EFHC2: variants seen among roughly 807,000 people sequenced by gnomAD.
The protein encoded by EFHC2 is EF-hand domain containing 2, also known as EF-hand domain-containing family member C2.
Under a neutral mutation model 52.7 loss-of-function variants are expected in EFHC2, and 18 were observed. The ratio of observed to expected loss-of-function variants is 0.34; its 90% CI spans 0.24 to 0.51. The LOEUF (loss-of-function observed/expected upper bound fraction) is 0.51, where lower values mean the gene tolerates loss of function less well. Among genes scored for constraint, EFHC2 ranks in the 20% least tolerant of loss-of-function variants. EFHC2 has a pLI of 0.97. For missense variants in EFHC2, 513 were observed against 562.5 expected (o/e 0.91, Z 0.89); for synonymous variants, 203 against 204.1 (o/e 0.99, Z 0.04).
rs760416661 is a variant in EFHC2 at position 44,211,654 on chromosome X, G to A, written c.1751+17995C>T. On this transcript the variant is annotated intron_variant, in intron 11 of 14. Coordinates refer to ENST00000420999, the MANE Select transcript of EFHC2 (RefSeq NM_025184.4). ...AGGCGGGCAGATCATGAGATCAGGAGATCGAGACCATCCTGGCTAACATGG... is the reference window on the plus strand; with the variant it reads ...AGGCGGGCAGATCATGAGATCAGGAAATCGAGACCATCCTGGCTAACATGG... Among the ~76,000 whole-genome samples, 9 of 110,538 alleles carry A rather than the reference G, an allele frequency of 8.1e-5. No individual in the cohort carries two copies. In the East Asian group the frequency reaches 2.0e-3, roughly 25 times the overall value.
chrX:44,200,575 G>A (rs1403890033), intron 11 of EFHC2, among the ~76,000 whole-genome samples: 3 of 111,311 alleles, frequency 2.7e-5, no homozygotes, highest in Non-Finnish European at 5.7e-5. Context: ...TTCCAGAAAT[G>A]TAGCAGCACA....
At chrX:44,300,030 G>A (rs1311946831) in intron 2 of EFHC2, among the ~76,000 whole-genome samples, 3 of 111,513 alleles carry the variant, frequency 2.7e-5, no homozygotes, top group Non-Finnish European at 5.6e-5. Context: ...TACAAAAAGT[G>A]AGTTTACCAT....
At chrX:44,229,037 C>T (rs1007141695) in intron 11 of EFHC2, among the ~76,000 whole-genome samples, 1 of 112,033 alleles carries the variant, frequency 8.9e-6, no homozygotes, top group Admixed American at 9.5e-5. Flanking sequence ...AAATTTGCCT[C>T]GGTCAGCCAC....
chrX:44,326,771 C>A (rs1981621110), intron 1 of EFHC2, among the ~76,000 whole-genome samples: 1 of 95,240 alleles, frequency 1.0e-5, no homozygotes, highest in Non-Finnish European at 2.1e-5. Context: ...CTCTGTAGCC[C>A]AGGCTGGAGT....
At chrX:44,205,652 A>G (rs2037043418) in intron 11 of EFHC2, among the ~76,000 whole-genome samples, 1 of 111,726 alleles carries the variant, frequency 9.0e-6, no homozygotes, top group Non-Finnish European at 1.9e-5. Flanking sequence ...TATAATGATG[A>G]GGCGTTCAAT....
chrX:44,215,209 A>G (rs1446146773), intron 11 of EFHC2, among the ~76,000 whole-genome samples: 1 of 111,261 alleles, frequency 9.0e-6, no homozygotes, highest in Non-Finnish European at 1.9e-5. Context: ...ATAGCCTGCA[A>G]AACTGTAAGT....
At position 44,235,552 on chromosome X, in the gene EFHC2, C is replaced by T. The variant is rs1602168288; in HGVS notation, c.1281-105G>A. Reference sequence around the variant, plus strand: ...TATAATATGGCTTTAATATAGTAGGCATAAACTGTCCAAAGTGAAAGAGTT... The same window carrying T: ...TATAATATGGCTTTAATATAGTAGGTATAAACTGTCCAAAGTGAAAGAGTT... On this transcript the variant is annotated intron_variant, in intron 8 of 14. Transcript: ENST00000420999. 47 of 764,588 alleles carry T rather than the reference C, an allele frequency of 6.1e-5. No homozygotes were observed. The East Asian group carries it at 1.7e-3, about 28-fold the overall frequency. 63.0% of individuals were successfully genotyped at this position (764,588 alleles called of 1,213,427 possible).
At chrX:44,230,210 C>T (rs185298099) in intron 10 of EFHC2, among the ~76,000 whole-genome samples, 3 of 111,506 alleles carry the variant, frequency 2.7e-5, no homozygotes, top group African/African-American at 6.5e-5. Flanking sequence ...CATTAGGCAA[C>T]GCACTGATGA....
intron 4 of EFHC2, among the ~76,000 whole-genome samples, chrX:44,256,849 A>G (rs1232695561): frequency 1.8e-5 from 2 of 111,556 alleles, no homozygotes; most frequent in African/African-American, 6.5e-5. Context: ...CAACACAAAA[A>G]GGAAATTTCA....
At chrX:44,212,288 G>A (rs1038177321) in intron 11 of EFHC2, among the ~76,000 whole-genome samples, 2 of 111,713 alleles carry the variant, frequency 1.8e-5, no homozygotes, top group South Asian at 7.6e-4. Flanking sequence ...GATGAGGGGG[G>A]TTGGGCGGCG....
intron 11 of EFHC2, among the ~76,000 whole-genome samples, chrX:44,208,470 G>C (rs2037065965): frequency 9.0e-6 from 1 of 111,401 alleles, no homozygotes; most frequent in Admixed American, 9.5e-5. Flanking sequence ...GGAAATTATA[G>C]ACACTGAGGA....
At chrX:44,205,285 A>G (rs2037039740) in intron 11 of EFHC2, among the ~76,000 whole-genome samples, 1 of 111,540 alleles carries the variant, frequency 9.0e-6, no homozygotes, top group Non-Finnish European at 1.9e-5. Context: ...TGAAGCAACT[A>G]CACAATTGAT....
intron 1 of EFHC2, among the ~76,000 whole-genome samples, chrX:44,340,317 AT>A (rs1256802093): frequency 1.8e-5 from 2 of 111,673 alleles, no homozygotes; most frequent in Non-Finnish European, 3.8e-5. Context: ...TAGACAAGAG[AT>A]AAGTAAGTAC....
Position 44,148,704 on chromosome X carries a change from C to G in EFHC2, c.*91G>C, listed in dbSNP as rs1217329603. On this transcript the variant is annotated 3_prime_UTR_variant, in exon 15 of 15. Coordinates refer to ENST00000420999, the MANE Select transcript of EFHC2 (RefSeq NM_025184.4). ...TTTCCATTTAATATAAACCTTGTTT[C>G]TTTTTTGTTTTTAATGAAATTATAT... 3.5e-5 allele frequency: 27 copies of G among 765,656 alleles called. No individual in the cohort carries two copies. Among genetic ancestry groups the G allele is most frequent in the Non-Finnish European group, 4.9e-5 (26 of 535,965 alleles). 63.1% of individuals were successfully genotyped at this position (765,656 alleles called of 1,213,427 possible).
chrX:44,292,822 C>T (rs141375658), intron 2 of EFHC2, among the ~76,000 whole-genome samples: 7,423 of 109,575 alleles, frequency 0.068, 264 homozygotes, highest in Non-Finnish European at 0.11. Context: ...TGTGAAGTGC[C>T]TCACTCCCCC....
intron 1 of EFHC2, among the ~76,000 whole-genome samples, chrX:44,319,310 CTT>C (rs1244995901): frequency 3.6e-5 from 4 of 111,232 alleles, no homozygotes; most frequent in Non-Finnish European, 7.5e-5. Context: ...GCACAAAAGA[CTT>C]TTAAAGAGGC....
intron 12 of EFHC2, among the ~76,000 whole-genome samples, chrX:44,177,540 G>A (rs1161537510): frequency 9.3e-6 from 1 of 107,501 alleles, no homozygotes; most frequent in Non-Finnish European, 2.0e-5. Context: ...TATAAGGTCT[G>A]TAAGATGAAT....
chrX:44,163,907 A>G lies in EFHC2; in HGVS notation c.2148+15T>C, dbSNP rs374228583. ...AGTAACCATAGATGGTTTTTAAAATAGGTATTCATTTTACCTCTTTAAGGT... is the reference window on the plus strand; with the variant it reads ...AGTAACCATAGATGGTTTTTAAAATGGGTATTCATTTTACCTCTTTAAGGT... On this transcript the variant is annotated intron_variant, in intron 14 of 14. Coordinates refer to ENST00000420999, the MANE Select transcript of EFHC2 (RefSeq NM_025184.4). 1,853 of 1,076,403 alleles carry G rather than the reference A, an allele frequency of 1.7e-3. 4 individuals carry two copies. Among genetic ancestry groups the G allele is most frequent in the Non-Finnish European group, 2.2e-3 (1,741 of 791,962 alleles). The allele number at this position is 1,076,403 out of a possible 1,213,427, so 88.7% of individuals were successfully genotyped here. A position where few individuals can be genotyped will look rare whatever the true frequency, so the allele number is the denominator to read the frequency against.
intron 3 of EFHC2, among the ~76,000 whole-genome samples, chrX:44,269,673 G>C (rs2037603338): frequency 9.0e-6 from 1 of 111,201 alleles, no homozygotes; most frequent in African/African-American, 3.3e-5. Context: ...GGCCTCACCA[G>C]ATGCAGAAGC....
Sources: allele counts gnomAD v4.1 joint callset (sites outside exome capture counted in the v4.1 genomes callset), GRCh38; gene constraint gnomAD v4.1.1; transcripts MANE v1.5; gene names NCBI Gene and HGNC (gene_info 2026-07-23, HGNC 2026-07-21).